Variants in FRMPD2 observed in about 807,000 individuals in gnomAD.
FRMPD2 encodes the protein FERM and PDZ domain containing 2.
Under a neutral mutation model 140.1 loss-of-function variants are expected in FRMPD2, and 96 were observed. The ratio of observed to expected loss-of-function variants is 0.69; its 90% CI spans 0.58 to 0.81. FRMPD2 has a LOEUF of 0.81. Ranked by LOEUF, FRMPD2 falls within the 40% of genes least tolerant of loss-of-function variation. The pLI is 0.00. For missense variants in FRMPD2, 1,240 were observed against 1,447.4 expected (o/e 0.86, Z 2.32); for synonymous variants, 449 against 547.6 (o/e 0.82, Z 2.52).
intron 5 of FRMPD2, among the ~76,000 whole-genome samples, chr10:48,240,847 T>G (rs1196553116): frequency 6.6e-6 from 1 of 152,206 alleles, no homozygotes; most frequent in African/African-American, 2.4e-5. Context: ...CACCTTCCCT[T>G]ATCACTGCAC....
chr10:48,271,358 C>T (rs1256505011), intron 1 of FRMPD2, among the ~76,000 whole-genome samples: 2 of 152,184 alleles, frequency 1.3e-5, no homozygotes, highest in African/African-American at 4.8e-5. Context: ...ATAGAAGAAA[C>T]AAAAGAAATT....
At chr10:48,174,979 T>C in intron 23 of FRMPD2, 24 bp from the exon 24 acceptor site, 1 of 726,976 alleles carries the variant, frequency 1.4e-6, no homozygotes, top group Non-Finnish European at 2.4e-6. Flanking sequence ...AGATGTCATG[T>C]CATGACCTGG....
intron 12 of FRMPD2, among the ~76,000 whole-genome samples, chr10:48,217,812 C>G (rs1033213293): frequency 1.2e-4 from 18 of 152,214 alleles, no homozygotes; most frequent in African/African-American, 4.1e-4. Flanking sequence ...CAAGGTCACT[C>G]ACAGCCCTCC....
At position 48,212,109 on chromosome 10, in the gene FRMPD2, G is replaced by T; in HGVS notation, c.1456C>A (p.Gln486Lys). ...QAEFGNYPKE[Q>K]VESKPYFHVE... The stretch of plus-strand genomic sequence containing the variant: ...TGAAAGTATGGCTTACTCTCCACCT[G>T]CTGGAAGTAAGATGTAGAAGGGAAG... Residue 486 changes from glutamine (Q) to lysine (K), a missense_variant and splice_region_variant, in exon 13 of 29, where the codon CAG (glutamine) becomes AAG (lysine). Physicochemically the swap from Gln to Lys is moderately conservative, Grantham distance 53. This residue lies in a region of FRMPD2 where 1,161 missense variants were observed against 1,055.9 expected (regional missense o/e 1.10). Transcript: ENST00000374201. 1 of 1,613,798 alleles carries T rather than the reference G, an allele frequency of 6.2e-7. No homozygotes were observed. Among genetic ancestry groups the T allele is most frequent in the Non-Finnish European group, 8.5e-7 (1 of 1,179,832 alleles).
intron 12 of FRMPD2, among the ~76,000 whole-genome samples, chr10:48,218,892 A>G (rs147314616): frequency 1.3e-5 from 2 of 152,324 alleles, no homozygotes; most frequent in African/African-American, 2.4e-5. Flanking sequence ...GAACCCTTCA[A>G]TTTTGCAAGA....
intron 16 of FRMPD2, among the ~76,000 whole-genome samples, chr10:48,188,042 G>C (rs746059481): frequency 1.7e-4 from 26 of 152,182 alleles, no homozygotes; most frequent in Non-Finnish European, 3.8e-4. Context: ...AGATTGAGAG[G>C]GAACAATTGA....
intron 8 of FRMPD2, 95 bp from the exon 9 acceptor site, chr10:48,236,648 G>T: frequency 1.8e-6 from 2 of 1,133,728 alleles, no homozygotes; most frequent in Non-Finnish European, 2.6e-6. Context: ...GCCCCCACCA[G>T]CATACATTCC....
chr10:48,209,214 C>T (rs1839265900), intron 13 of FRMPD2, among the ~76,000 whole-genome samples: 1 of 152,120 alleles, frequency 6.6e-6, no homozygotes, highest in Non-Finnish European at 1.5e-5. Context: ...GAAGAAACTA[C>T]AGGATACAAT....
At chr10:48,206,966 AG>A in intron 13 of FRMPD2, 33 bp from the exon 14 acceptor site, 1 of 1,602,286 alleles carries the variant, frequency 6.2e-7, no homozygotes, top group Middle Eastern at 1.7e-4. Flanking sequence ...TAGAAGAGAC[AG>A]GCACATGGTT....
At chr10:48,219,972 C>T (rs577669381) in intron 12 of FRMPD2, among the ~76,000 whole-genome samples, 53 of 152,280 alleles carry the variant, frequency 3.5e-4, no homozygotes, top group Admixed American at 1.2e-3. Context: ...TCAGATCACT[C>T]TTCTAGAAAA....
chr10:48,244,072 C>T (rs536312512), intron 4 of FRMPD2, among the ~76,000 whole-genome samples: 29 of 152,332 alleles, frequency 1.9e-4, no homozygotes, highest in African/African-American at 6.7e-4. Context: ...CCCCTCCCGG[C>T]CCCCGGGGTT....
intron 1 of FRMPD2, among the ~76,000 whole-genome samples, chr10:48,254,518 C>G (rs936123591): frequency 2.0e-5 from 3 of 152,216 alleles, no homozygotes; most frequent in African/African-American, 7.2e-5. Flanking sequence ...TCTACACTAG[C>G]CCACCAGCCC....
intron 12 of FRMPD2, among the ~76,000 whole-genome samples, chr10:48,219,594 C>T (rs1402691117): frequency 6.6e-6 from 1 of 152,138 alleles, no homozygotes; most frequent in Non-Finnish European, 1.5e-5. Flanking sequence ...CTTCATAAAC[C>T]CCAACAGCAA....
intron 13 of FRMPD2, among the ~76,000 whole-genome samples, chr10:48,208,061 C>T (rs1383449334): frequency 6.6e-6 from 1 of 151,178 alleles, no homozygotes; most frequent in Non-Finnish European, 1.5e-5. Flanking sequence ...TCATCATTAT[C>T]ATCATCATCA....
chr10:48,263,733 C>T (rs1012025858), intron 1 of FRMPD2, among the ~76,000 whole-genome samples: 10 of 152,142 alleles, frequency 6.6e-5, no homozygotes, highest in East Asian at 1.9e-4. Context: ...GAAAAGATGA[C>T]GCTAATTATC....
rs1839867660 is a variant in FRMPD2 at position 48,232,229 on chromosome 10, G to T, written c.1054C>A (p.Gln352Lys). The T allele has an allele frequency of 6.2e-7, 1 of 1,614,152 alleles. No homozygotes were observed. The highest frequency in any genetic ancestry group is 8.5e-7 in the Non-Finnish European group (1 of 1,180,000). ...RDLCVVLLNG[Q>K]HLEVKCDVES... is the part of the protein sequence containing the mutation. Reference sequence around the variant, plus strand: ...ACATCACATTTTACCTCCAGGTGCTGCCCGTTCAGCAGGACCACACAGAGG... The same window carrying T: ...ACATCACATTTTACCTCCAGGTGCTTCCCGTTCAGCAGGACCACACAGAGG... Residue 352 changes from glutamine (Q) to lysine (K), a missense_variant, in exon 10 of 29, where the codon CAG (glutamine) becomes AAG (lysine). By Grantham distance (53) the Gln-to-Lys change is moderately conservative. Around this residue, in one of 6 missense-constraint regions of FRMPD2, gnomAD observed 1,161 missense variants for 1,055.9 expected, o/e 1.10. Coordinates refer to ENST00000374201, the MANE Select transcript of FRMPD2 (RefSeq NM_001018071.4).
At chr10:48,232,326 T>C (rs571476170) in intron 9 of FRMPD2, 37 bp from the exon 10 acceptor site, 58 of 1,498,890 alleles carry the variant, frequency 3.9e-5, no homozygotes, top group South Asian at 3.1e-4. Flanking sequence ...ACTACAATTA[T>C]AAGTCATTGA....
chr10:48,170,229 C>T (rs1838203410), intron 26 of FRMPD2, among the ~76,000 whole-genome samples: 1 of 149,078 alleles, frequency 6.7e-6, no homozygotes, highest in Admixed American at 6.7e-5. Context: ...GCTAGGGGAA[C>T]ACGGCAAGAG....
chr10:48,194,737 T>A (rs915046033), intron 15 of FRMPD2, among the ~76,000 whole-genome samples: 15 of 152,004 alleles, frequency 9.9e-5, no homozygotes, highest in Non-Finnish European at 1.2e-4. Flanking sequence ...AGACCCTGGG[T>A]GTCAAGCACT....
Sources: allele counts gnomAD v4.1 joint callset (sites outside exome capture counted in the v4.1 genomes callset), GRCh38; gene constraint gnomAD v4.1.1; regional missense constraint gnomAD v4.1.1; transcripts MANE v1.5; gene names NCBI Gene and HGNC (gene_info 2026-07-23, HGNC 2026-07-21).